AKT3: variants seen among roughly 807,000 people sequenced by gnomAD.
AKT3 encodes the protein RAC-gamma serine/threonine-protein kinase.
Under a neutral mutation model 65.3 loss-of-function variants are expected in AKT3, and 15 were observed. The observed-to-expected ratio is 0.23, with a 90% confidence interval of 0.15 to 0.35. AKT3 has a LOEUF of 0.35. AKT3 is among the 10% of genes least tolerant of loss of function. The pLI, the probability that AKT3 is intolerant of heterozygous loss-of-function variation, is 1.00. For synonymous variants in AKT3, 206 were observed against 183.8 expected (o/e 1.12, Z -0.98); for missense variants, 243 against 576.5 (o/e 0.42, Z 5.92).
intron 8 of AKT3, among the ~76,000 whole-genome samples, chr1:243,576,900 A>G (rs995808076): frequency 6.6e-6 from 1 of 152,240 alleles, no homozygotes; most frequent in Non-Finnish European, 1.5e-5. Context: ...TGGGACCAAA[A>G]AAGAACCCAC....
chr1:243,681,280 G>T (rs1053199592), intron 3 of AKT3, among the ~76,000 whole-genome samples: 1 of 152,018 alleles, frequency 6.6e-6, no homozygotes, highest in Non-Finnish European at 1.5e-5. Flanking sequence ...GAGGCAGAAG[G>T]TACTCAACAA....
At position 243,757,105 on chromosome 1, in the gene AKT3, A is replaced by G. The variant is rs79650823; in HGVS notation, c.47-61389T>C. 8.7e-3 allele frequency among the ~76,000 whole-genome samples: 1,331 copies of G among 152,312 alleles called. 6 individuals carry two copies. Among genetic ancestry groups the G allele is most frequent in the Middle Eastern group, 0.02 (6 of 294 alleles). On this transcript the variant is annotated intron_variant, in intron 2 of 13. Transcript: ENST00000673466. ...GTAAAGAGCCCTGACAATCAAATGC[A>G]CAGATCCTGGGTTAGAATTTTGCAA... is the stretch of plus-strand genomic sequence containing the variant.
chr1:243,667,730 T>C (rs1682894999), intron 3 of AKT3, among the ~76,000 whole-genome samples: 1 of 152,182 alleles, frequency 6.6e-6, no homozygotes, highest in South Asian at 2.1e-4. Flanking sequence ...AATAGATGAG[T>C]AAGGCCTTTA....
intron 1 of AKT3, among the ~76,000 whole-genome samples, chr1:243,847,919 T>A (rs565204091): frequency 6.6e-6 from 1 of 152,252 alleles, no homozygotes; most frequent in East Asian, 1.9e-4. Flanking sequence ...AGCCAAAAAT[T>A]AATTTTAAAT....
chr1:243,691,949 C>T (rs1684716891), intron 3 of AKT3, among the ~76,000 whole-genome samples: 1 of 152,066 alleles, frequency 6.6e-6, no homozygotes, highest in African/African-American at 2.4e-5. Flanking sequence ...TGTGCATTAG[C>T]CTAAGGGGTA....
intron 4 of AKT3, among the ~76,000 whole-genome samples, chr1:243,648,683 A>T (rs1240412541): frequency 6.6e-6 from 1 of 152,154 alleles, no homozygotes; most frequent in Non-Finnish European, 1.5e-5. Context: ...GACAGAACGC[A>T]CCAATAAGGC....
At chr1:243,538,038 A>G (rs1672053426) in intron 12 of AKT3, among the ~76,000 whole-genome samples, 4 of 152,200 alleles carry the variant, frequency 2.6e-5, no homozygotes. Flanking sequence ...ATGTAAAGGA[A>G]TGGAGAGTGC....
chr1:243,500,838 G>C lies in AKT3; in HGVS notation c.*4411C>G, dbSNP rs1669221128. ...TTGAGCATGTAAAAGGTTCAAGCCT[G>C]AAACAGTAGAACTTCTATTCAGATT... On this transcript the variant is annotated 3_prime_UTR_variant, in exon 14 of 14. Coordinates refer to ENST00000673466, the MANE Select transcript of AKT3 (RefSeq NM_005465.7). The C allele has an allele frequency of 4.4e-6, 1 of 228,928 alleles. No homozygotes were observed. The highest frequency in any genetic ancestry group is 2.2e-5 in the African/African-American group (1 of 45,082). 14.2% of individuals were successfully genotyped at this position (228,928 alleles called of 1,614,324 possible). A position where few individuals can be genotyped will look rare whatever the true frequency, so the allele number is the denominator to read the frequency against.
At chr1:243,586,125 T>C (rs1385394577) in intron 8 of AKT3, among the ~76,000 whole-genome samples, 3 of 152,068 alleles carry the variant, frequency 2.0e-5, no homozygotes, top group Admixed American at 1.3e-4. Context: ...ATATGAAAAA[T>C]GCTGCACATC....
At chr1:243,642,576 T>G (rs1219943925) in intron 5 of AKT3, among the ~76,000 whole-genome samples, 2 of 152,222 alleles carry the variant, frequency 1.3e-5, no homozygotes, top group Non-Finnish European at 2.9e-5. Flanking sequence ...CCCAAAGTGC[T>G]GGGATTACAG....
chr1:243,663,858 G>A (rs1439337510), intron 4 of AKT3, among the ~76,000 whole-genome samples: 1 of 152,160 alleles, frequency 6.6e-6, no homozygotes, highest in Non-Finnish European at 1.5e-5. Flanking sequence ...ATCAGAGTGA[G>A]CAGATATAGA....
At chr1:243,804,859 C>A (rs112204895) in intron 2 of AKT3, among the ~76,000 whole-genome samples, 31 of 150,036 alleles carry the variant, frequency 2.1e-4, no homozygotes, top group East Asian at 5.8e-4. Context: ...AAAAAAAAAA[C>A]AAACAAAAAA....
intron 8 of AKT3, among the ~76,000 whole-genome samples, chr1:243,598,358 CAAGTT>C (rs1424670370): frequency 2.0e-5 from 3 of 152,160 alleles, no homozygotes; most frequent in Middle Eastern, 6.8e-3. Context: ...TTATCTTTAT[CAAGTT>C]AAGTTCCTTT....
intron 6 of AKT3, among the ~76,000 whole-genome samples, chr1:243,617,500 T>A (rs1314001544): frequency 6.6e-6 from 1 of 152,070 alleles, no homozygotes; most frequent in African/African-American, 2.4e-5. Flanking sequence ...TAAGATCCCA[T>A]TGCTCACAGA....
intron 2 of AKT3, among the ~76,000 whole-genome samples, chr1:243,754,058 T>C (rs1688975290): frequency 6.6e-6 from 1 of 152,216 alleles, no homozygotes; most frequent in South Asian, 2.1e-4. Flanking sequence ...CTCTATTTAT[T>C]TTCCCAGTTT....
chr1:243,578,796 C>A (rs1675128182), intron 8 of AKT3, among the ~76,000 whole-genome samples: 1 of 152,040 alleles, frequency 6.6e-6, no homozygotes, highest in Non-Finnish European at 1.5e-5. Flanking sequence ...TTTTAAAGTA[C>A]AACAAAAAAG....
At chr1:243,613,149 A>G (rs1678021967) in intron 8 of AKT3, 1 of 138,298 alleles carries the variant, frequency 7.2e-6, no homozygotes, top group Non-Finnish European at 1.5e-5. Context: ...ATACATATAT[A>G]TACACATATA....
intron 8 of AKT3, among the ~76,000 whole-genome samples, chr1:243,588,661 T>C (rs924307767): frequency 5.3e-5 from 8 of 152,166 alleles, no homozygotes; most frequent in African/African-American, 1.7e-4. Context: ...CTTCAATAAA[T>C]AGTGCTAGGA....
In AKT3 at chr1:243,807,388, C is replaced by G. The variant is rs570638645; in HGVS notation, c.46+35737G>C. Reference sequence around the variant, plus strand: ...CAAACGGCACACCAGGAGATTATATCCCATGCCTGGCTCGGAGGGTCCTAT... The same window carrying G: ...CAAACGGCACACCAGGAGATTATATGCCATGCCTGGCTCGGAGGGTCCTAT... On this transcript the variant is annotated intron_variant, in intron 2 of 13. Coordinates refer to ENST00000673466, the MANE Select transcript of AKT3 (RefSeq NM_005465.7). 3.3e-5 allele frequency among the ~76,000 whole-genome samples: 5 copies of G among 152,322 alleles called. No individual in the cohort carries two copies. In the East Asian group the frequency reaches 5.8e-4, roughly 18 times the overall value.
Sources: allele counts gnomAD v4.1 joint callset (sites outside exome capture counted in the v4.1 genomes callset), GRCh38; gene constraint gnomAD v4.1.1; transcripts MANE v1.5; gene names NCBI Gene and HGNC (gene_info 2026-07-23, HGNC 2026-07-21).